The following NRXN1 variants were observed in gnomAD, a reference collection of about 807,000 sequenced individuals.
NRXN1 encodes the protein neurexin-1.
NRXN1 carries 39 observed loss-of-function variants against 150.9 expected under a neutral mutation model. The observed-to-expected ratio is 0.26, with a 90% confidence interval of 0.20 to 0.34. The LOEUF (loss-of-function observed/expected upper bound fraction) is 0.34. Ranked by LOEUF, NRXN1 falls within the 10% of genes least tolerant of loss-of-function variation. The pLI is 1.00. For synonymous variants in NRXN1, 924 were observed against 757.0 expected (o/e 1.22, Z -3.62); for missense variants, 1,815 against 1,949.9 (o/e 0.93, Z 1.30).
At chr2:50,543,683 G>A (rs534165714) in intron 9 of NRXN1, among the ~76,000 whole-genome samples, 8 of 152,164 alleles carry the variant, frequency 5.3e-5, no homozygotes, top group South Asian at 2.1e-4. Context: ...AATTTACAAC[G>A]TAGTGAGGTA....
At chr2:50,479,235 A>G (rs2090244138) in intron 15 of NRXN1, among the ~76,000 whole-genome samples, 1 of 152,196 alleles carries the variant, frequency 6.6e-6, no homozygotes, top group South Asian at 2.1e-4. Context: ...CTTTGTTGGC[A>G]GCCTTTCCCC....
At chr2:50,614,412 TC>T (rs1356573205) in intron 8 of NRXN1, among the ~76,000 whole-genome samples, 5 of 152,038 alleles carry the variant, frequency 3.3e-5, no homozygotes, top group Non-Finnish European at 7.4e-5. Context: ...GAATGCAAAT[TC>T]TGCCATGAGA....
intron 5 of NRXN1, among the ~76,000 whole-genome samples, chr2:50,707,706 C>T (rs965513310): frequency 3.3e-5 from 5 of 152,136 alleles, no homozygotes; most frequent in East Asian, 1.9e-4. Flanking sequence ...ACAATGTGAT[C>T]GATCCAGAAG....
At chr2:50,000,772 G>A (rs1190933429) in intron 21 of NRXN1, among the ~76,000 whole-genome samples, 3 of 152,064 alleles carry the variant, frequency 2.0e-5, no homozygotes, top group African/African-American at 4.8e-5. Context: ...TAGATTGTTC[G>A]CTGTGAAAAT....
At chr2:50,983,878 A>C (rs1349557422) in intron 2 of NRXN1, among the ~76,000 whole-genome samples, 1 of 152,134 alleles carries the variant, frequency 6.6e-6, no homozygotes, top group African/African-American at 2.4e-5. Flanking sequence ...TTCTGTACAT[A>C]GTAGAGTGGA....
At chr2:50,669,172 G>A (rs192456256) in intron 5 of NRXN1, among the ~76,000 whole-genome samples, 6 of 152,086 alleles carry the variant, frequency 3.9e-5, no homozygotes, top group African/African-American at 1.4e-4. Context: ...CTCTGAGCAT[G>A]TAGAAGGCAA....
intron 21 of NRXN1, among the ~76,000 whole-genome samples, chr2:49,976,029 T>G (rs1379571660): frequency 2.0e-5 from 3 of 147,694 alleles, no homozygotes; most frequent in Non-Finnish European, 3.0e-5. Flanking sequence ...TTTTTTTTTT[T>G]TTTTTTTTTT....
Position 50,921,887 on chromosome 2 carries a change from A to AT in NRXN1, c.821-8dup. 1 of 1,401,326 alleles carries AT rather than the reference A, an allele frequency of 7.1e-7. No individual in the cohort carries two copies. The highest frequency in any genetic ancestry group is 2.5e-5 in the Admixed American group (1 of 39,472). The allele number at this position is 1,401,326 out of a possible 1,614,324, so 86.8% of individuals were successfully genotyped here. On this transcript the variant is annotated splice_polypyrimidine_tract_variant and splice_region_variant and intron_variant, in intron 4 of 22. Coordinates refer to ENST00000401669, the MANE Select transcript of NRXN1 (RefSeq NM_001330078.2). ...GTAATACCTTTACTTTTACCTATGG[A>AT]TTTGATGAAATGGGTCCATGAAGAA...
intron 19 of NRXN1, among the ~76,000 whole-genome samples, chr2:50,065,445 T>C (rs561844265): frequency 6.6e-6 from 1 of 152,336 alleles, no homozygotes; most frequent in East Asian, 1.9e-4. Context: ...TTTTGTATAA[T>C]GTAAGATGTC....
At chr2:50,582,380 C>G (rs946203992) in intron 8 of NRXN1, among the ~76,000 whole-genome samples, 3 of 143,872 alleles carry the variant, frequency 2.1e-5, no homozygotes, top group African/African-American at 5.2e-5. Flanking sequence ...ACTTGGCAGG[C>G]TGATGTGGGA....
chr2:50,008,236 AG>A (rs1685088408), intron 21 of NRXN1, among the ~76,000 whole-genome samples: 1 of 152,088 alleles, frequency 6.6e-6, no homozygotes, highest in African/African-American at 2.4e-5. Context: ...CTCCTAAGCA[AG>A]AGTGATTGGA....
intron 5 of NRXN1, among the ~76,000 whole-genome samples, chr2:50,704,169 T>C (rs1401806598): frequency 6.6e-6 from 1 of 152,054 alleles, no homozygotes; most frequent in Admixed American, 6.6e-5. Context: ...TCTCTACTGA[T>C]AGAATAGTAT....
chr2:50,720,327 C>T (rs1034136780), intron 5 of NRXN1, among the ~76,000 whole-genome samples: 1 of 152,140 alleles, frequency 6.6e-6, no homozygotes, highest in Non-Finnish European at 1.5e-5. Flanking sequence ...CAGGGTACCT[C>T]CCTCCCTCCA....
In NRXN1 at chr2:50,619,413, A is replaced by G. The variant is rs545272518; in HGVS notation, c.1320+609T>C. 3 of 152,518 alleles carry G rather than the reference A, an allele frequency of 2.0e-5. No individual in the cohort carries two copies. The East Asian group carries it at 5.8e-4, about 29-fold the overall frequency. The allele number at this position is 152,518 out of a possible 1,614,324, so 9.4% of individuals were successfully genotyped here. On this transcript the variant is annotated intron_variant, in intron 8 of 22. Transcript: ENST00000401669. Reference sequence around the variant, plus strand: ...CCAATCTTATACAAAGTTACAATACACAACTACAGCTGATAATGAGGGATG... The same window carrying G: ...CCAATCTTATACAAAGTTACAATACGCAACTACAGCTGATAATGAGGGATG...
chr2:51,017,465 A>G (rs1055400005), intron 2 of NRXN1, among the ~76,000 whole-genome samples: 1 of 129,630 alleles, frequency 7.7e-6, no homozygotes, highest in African/African-American at 2.9e-5. Flanking sequence ...CCTCCTGACT[A>G]GCTGGGACTA....
intron 22 of NRXN1, 136 bp downstream of exon 22, chr2:49,943,568 A>G (rs982938382): frequency 9.0e-6 from 6 of 666,038 alleles, no homozygotes; most frequent in South Asian, 3.4e-5. Context: ...GTAAAAAATA[A>G]GAGTCCTCAT....
chr2:50,044,548 G>C (rs1283566252), intron 21 of NRXN1, among the ~76,000 whole-genome samples: 1 of 152,126 alleles, frequency 6.6e-6, no homozygotes, highest in Non-Finnish European at 1.5e-5. Context: ...CAATATGCTT[G>C]TTATTAAAAA....
chr2:50,864,255 G>T (rs377504517), intron 5 of NRXN1, among the ~76,000 whole-genome samples: 1 of 151,960 alleles, frequency 6.6e-6, no homozygotes, highest in East Asian at 1.9e-4. Flanking sequence ...TAGGTATACA[G>T]TGGTAAGCAA....
intron 17 of NRXN1, among the ~76,000 whole-genome samples, chr2:50,419,953 C>T (rs575992383): frequency 7.9e-5 from 12 of 152,092 alleles, no homozygotes; most frequent in African/African-American, 2.9e-4. Flanking sequence ...GAATGCATGG[C>T]TAAAACAGAA....
Sources: gnomAD v4.1 joint callset for allele counts (sites outside exome capture counted in the v4.1 genomes callset) on GRCh38, gnomAD v4.1.1 for gene constraint, MANE v1.5 for transcripts, NCBI Gene and HGNC (gene_info 2026-07-23, HGNC 2026-07-21) for gene names.